OTUD7B: variants seen among roughly 807,000 people sequenced by gnomAD.
OTUD7B encodes the protein OTU domain-containing protein 7B.
A neutral mutation model predicts 82.2 loss-of-function variants in OTUD7B; 34 were observed. The ratio of observed to expected loss-of-function variants is 0.41; its 90% confidence interval spans 0.31 to 0.55. OTUD7B has a LOEUF of 0.55. OTUD7B is among the 20% of genes least tolerant of loss of function. The probability of loss-of-function intolerance (pLI) is 0.20; values close to 1 mark genes in which losing one functional copy is unlikely to be tolerated. For missense variants in OTUD7B, 944 were observed against 1,062.1 expected (o/e 0.89, Z 1.55); for synonymous variants, 398 against 402.7 (o/e 0.99, Z 0.14).
At chr1:149,962,865 T>G (rs1219721385) in intron 6 of OTUD7B, 2 of 152,172 alleles carry the variant, frequency 1.3e-5, no homozygotes, top group African/African-American at 4.8e-5. Context: ...GATTCTAAAT[T>G]CTAGGCTAGC....
chr1:149,996,892 T>C (rs1651959475), intron 1 of OTUD7B, among the ~76,000 whole-genome samples: 1 of 152,216 alleles, frequency 6.6e-6, no homozygotes, highest in Non-Finnish European at 1.5e-5. Flanking sequence ...TGTTTATTAC[T>C]ATCATCATGG....
At chr1:150,027,299 G>A in the OTUD7B span, among the ~76,000 whole-genome samples, 2 of 152,046 alleles carry the variant, frequency 1.3e-5, no homozygotes, top group African/African-American at 2.4e-5. Flanking sequence ...AAATATAAAA[G>A]GTAAAGCCGG....
At chr1:149,963,136 CA>C (rs1242393334) in intron 6 of OTUD7B, 1 of 150,822 alleles carries the variant, frequency 6.6e-6, no homozygotes, top group African/African-American at 2.4e-5. Context: ...ATAACTAAAA[CA>C]AAAAAACTCT....
At chr1:149,981,051 C>T (rs1553779546) in intron 1 of OTUD7B, among the ~76,000 whole-genome samples, 2 of 130,752 alleles carry the variant, frequency 1.5e-5, no homozygotes. Flanking sequence ...GCAAACCAAA[C>T]ACACAGTTTT....
chr1:150,055,041 CTTT>C, the OTUD7B span: 37 of 142,254 alleles, frequency 2.6e-4, no homozygotes, highest in South Asian at 8.4e-4. Flanking sequence ...TCTAAATTTC[CTTT>C]TTTTTTTTTT....
At chr1:150,015,744 C>T in the OTUD7B span, among the ~76,000 whole-genome samples, 1 of 152,076 alleles carries the variant, frequency 6.6e-6, no homozygotes, top group Admixed American at 6.6e-5. Context: ...AACCAGCCTG[C>T]TGTACATGGC....
At chr1:150,040,424 T>C in the OTUD7B span, among the ~76,000 whole-genome samples, 1 of 152,214 alleles carries the variant, frequency 6.6e-6, no homozygotes, top group Non-Finnish European at 1.5e-5. Flanking sequence ...TATATTCTAG[T>C]AGATATCCAT....
intron 7 of OTUD7B, among the ~76,000 whole-genome samples, chr1:149,957,026 T>G (rs1553774703): frequency 6.6e-6 from 1 of 152,234 alleles, no homozygotes; most frequent in Non-Finnish European, 1.5e-5. Context: ...GTCTGAAGCC[T>G]TCTTCTCTCA....
chr1:150,028,478 A>G, the OTUD7B span, among the ~76,000 whole-genome samples: 1 of 152,214 alleles, frequency 6.6e-6, no homozygotes, highest in African/African-American at 2.4e-5. Context: ...TTTAAGTACC[A>G]TATACAGTTC....
chr1:150,032,606 G>C, the OTUD7B span, among the ~76,000 whole-genome samples: 970 of 150,384 alleles, frequency 6.5e-3, 15 homozygotes, highest in African/African-American at 0.022. Context: ...CTGTACTCTA[G>C]CCTGGGCGAC....
At chr1:150,056,683 A>G in the OTUD7B span, among the ~76,000 whole-genome samples, 4 of 152,174 alleles carry the variant, frequency 2.6e-5, no homozygotes, top group Admixed American at 6.5e-5. Context: ...CCTCTATATT[A>G]TATTTTTCCT....
intron 7 of OTUD7B, among the ~76,000 whole-genome samples, chr1:149,952,318 C>T (rs1162035189): frequency 7.9e-5 from 12 of 151,124 alleles, no homozygotes; most frequent in Admixed American, 1.3e-4. Flanking sequence ...TTTGTCCTTG[C>T]GATAGTTTGC....
At chr1:150,048,630 G>A in the OTUD7B span, 4 of 152,084 alleles carry the variant, frequency 2.6e-5, no homozygotes, top group Admixed American at 6.6e-5. Flanking sequence ...AGTGAACTAT[G>A]ATTGTACCAC....
At chr1:150,065,515 T>C in the OTUD7B span, among the ~76,000 whole-genome samples, 2 of 152,236 alleles carry the variant, frequency 1.3e-5, no homozygotes, top group African/African-American at 2.4e-5. Flanking sequence ...ATTTTTTAAA[T>C]TTAATGTCTT....
the OTUD7B span, among the ~76,000 whole-genome samples, chr1:150,062,777 C>T: frequency 1.4e-5 from 2 of 142,402 alleles, no homozygotes; most frequent in East Asian, 2.1e-4. Flanking sequence ...CAATGGCGCG[C>T]GATCTCGGCT....
intron 1 of OTUD7B, among the ~76,000 whole-genome samples, chr1:149,994,432 T>C (rs1255794392): frequency 6.6e-6 from 1 of 151,512 alleles, no homozygotes; most frequent in Non-Finnish European, 1.5e-5. Context: ...AATACAAAAA[T>C]TAGGTAGGTG....
At chr1:149,974,297 T>C (rs1290506891) in intron 2 of OTUD7B, among the ~76,000 whole-genome samples, 4 of 152,248 alleles carry the variant, frequency 2.6e-5, no homozygotes, top group South Asian at 2.1e-4. Flanking sequence ...GCTACCACCA[T>C]AGTCTGCAAC....
rs1050706184 is a variant in OTUD7B, at chr1:149,958,606, G to A, written c.845+1078C>T. ...TGGGATTACAGGCGTGAGCCACTGC[G>A]CCTGGCCAGGACTACCTTTTTAAAC... On this transcript the variant is annotated intron_variant, in intron 7 of 11. Coordinates refer to ENST00000581312, the MANE Select transcript of OTUD7B (RefSeq NM_020205.4). Among the ~76,000 whole-genome samples, 113 of 152,078 alleles carry A rather than the reference G, an allele frequency of 7.4e-4. 1 individual carries two copies. Among genetic ancestry groups the A allele is most frequent in the African/African-American group, 2.4e-3 (98 of 41,500 alleles).
At chr1:150,014,800 G>C (rs941516254), upstream of OTUD7B, among the ~76,000 whole-genome samples, 2 of 152,124 alleles carry the variant, frequency 1.3e-5, no homozygotes, top group Non-Finnish European at 2.9e-5. Context: ...GATCAAATAG[G>C]AAGGGACATG....
Sources: allele counts gnomAD v4.1 joint callset (sites outside exome capture counted in the v4.1 genomes callset), GRCh38; gene constraint gnomAD v4.1.1; transcripts MANE v1.5; gene names NCBI Gene and HGNC (gene_info 2026-07-23, HGNC 2026-07-21).